Variants in LINGO2 observed in about 807,000 individuals in gnomAD.
LINGO2 encodes the protein leucine-rich repeat and immunoglobulin-like domain-containing nogo receptor-interacting protein 2.
LINGO2 carries 14 observed loss-of-function variants against 30.6 expected under a neutral mutation model. That is an observed-to-expected ratio of 0.46 (90% CI 0.30 to 0.72). The LOEUF is 0.72. Ranked by LOEUF, LINGO2 falls within the 30% of genes least tolerant of loss-of-function variation. The probability of loss-of-function intolerance (pLI) is 0.07; values close to 1 mark genes in which losing one functional copy is unlikely to be tolerated. For missense variants in LINGO2, 729 were observed against 751.7 expected (o/e 0.97, Z 0.35); for synonymous variants, 317 against 288.5 (o/e 1.10, Z -1.00).
At chr9:28,848,161 T>C in the LINGO2 span, among the ~76,000 whole-genome samples, 1 of 89,218 alleles carries the variant, frequency 1.1e-5, no homozygotes, top group Admixed American at 1.2e-4. Flanking sequence ...TATACGCATA[T>C]ATAGTGTGTA....
intron 4 of LINGO2, among the ~76,000 whole-genome samples, chr9:28,056,493 T>G (rs1003884283): frequency 1.3e-5 from 2 of 151,912 alleles, no homozygotes; most frequent in African/African-American, 2.4e-5. Flanking sequence ...ATCATGTGGT[T>G]CTTCTCATCT....
chr9:28,315,768 C>T (rs1049410082), intron 3 of LINGO2, among the ~76,000 whole-genome samples: 1 of 152,114 alleles, frequency 6.6e-6, no homozygotes, highest in Non-Finnish European at 1.5e-5. Context: ...CATTTATATA[C>T]TCAAATTTTA....
intron 4 of LINGO2, among the ~76,000 whole-genome samples, chr9:28,110,591 C>A (rs1372274044): frequency 1.3e-5 from 2 of 152,042 alleles, no homozygotes; most frequent in Admixed American, 6.6e-5. Context: ...TATGCATGGA[C>A]CCTTCTCAAA....
At chr9:29,182,055 A>C in the LINGO2 span, among the ~76,000 whole-genome samples, 1 of 152,178 alleles carries the variant, frequency 6.6e-6, no homozygotes, top group African/African-American at 2.4e-5. Context: ...CACCTATGAA[A>C]ATTGTTATAC....
the LINGO2 span, among the ~76,000 whole-genome samples, chr9:28,680,769 T>C: frequency 1.3e-5 from 2 of 152,112 alleles, no homozygotes; most frequent in African/African-American, 4.8e-5. Context: ...ATATGCCTTA[T>C]TTTGAGAAAT....
intron 3 of LINGO2, among the ~76,000 whole-genome samples, chr9:28,311,849 T>G (rs1381483265): frequency 1.3e-5 from 2 of 152,184 alleles, no homozygotes; most frequent in Non-Finnish European, 2.9e-5. Flanking sequence ...AAGACAGGCA[T>G]AGGAAATCAC....
intron 1 of LINGO2, among the ~76,000 whole-genome samples, chr9:28,520,306 T>C (rs1820780059): frequency 6.6e-6 from 1 of 152,130 alleles, no homozygotes; most frequent in East Asian, 1.9e-4. Context: ...TTTAAGTAGG[T>C]GACATCAATA....
chr9:28,907,643 G>A, the LINGO2 span, among the ~76,000 whole-genome samples: 1,384 of 151,716 alleles, frequency 9.1e-3, 30 homozygotes, highest in African/African-American at 0.032. Flanking sequence ...GAGGAAGAGA[G>A]GTCATTTAAG....
At chr9:28,103,748 T>C (rs1049700772) in intron 4 of LINGO2, among the ~76,000 whole-genome samples, 2 of 152,188 alleles carry the variant, frequency 1.3e-5, no homozygotes, top group African/African-American at 4.8e-5. Flanking sequence ...TTGTGAAAAA[T>C]AATCAATACA....
chr9:28,832,927 C>T, the LINGO2 span, among the ~76,000 whole-genome samples: 1 of 151,920 alleles, frequency 6.6e-6, no homozygotes, highest in East Asian at 1.9e-4. Context: ...ATTTACAGGG[C>T]TGTCTAGTCC....
chr9:28,388,878 TTTTCTCTC>T (rs1402282110), intron 2 of LINGO2, among the ~76,000 whole-genome samples: 57 of 150,972 alleles, frequency 3.8e-4, no homozygotes, highest in East Asian at 6.0e-4. Context: ...GACTTGAGGG[TTTTCTCTC>T]TTTCTCTCTT....
At chr9:28,334,397 A>G (rs1433598070) in intron 3 of LINGO2, among the ~76,000 whole-genome samples, 1 of 152,148 alleles carries the variant, frequency 6.6e-6, no homozygotes, top group African/African-American at 2.4e-5. Context: ...AAGCCTAGTT[A>G]ATGAATTCCA....
chr9:28,555,867 C>T (rs1384879323), intron 1 of LINGO2, among the ~76,000 whole-genome samples: 4 of 151,996 alleles, frequency 2.6e-5, no homozygotes, highest in Non-Finnish European at 5.9e-5. Context: ...AAATGTAATC[C>T]AGCATATAAA....
the LINGO2 span, among the ~76,000 whole-genome samples, chr9:28,884,136 G>A: frequency 2.0e-5 from 3 of 151,810 alleles, no homozygotes; most frequent in African/African-American, 4.8e-5. Flanking sequence ...ACGAAAATTA[G>A]TTGAACAAAG....
the LINGO2 span, among the ~76,000 whole-genome samples, chr9:28,970,527 A>AC: frequency 6.6e-6 from 1 of 151,474 alleles, no homozygotes; most frequent in African/African-American, 2.4e-5. Flanking sequence ...CCCCTCCCCC[A>AC]CCCCCCAGCA....
At chr9:29,118,388 A>AT in the LINGO2 span, among the ~76,000 whole-genome samples, 1 of 152,290 alleles carries the variant, frequency 6.6e-6, no homozygotes, top group Non-Finnish European at 1.5e-5. Context: ...GCAAATGGAT[A>AT]TTTTCTGAAT....
the LINGO2 span, among the ~76,000 whole-genome samples, chr9:28,968,009 T>C: frequency 1.3e-5 from 2 of 152,188 alleles, no homozygotes; most frequent in African/African-American, 4.8e-5. Flanking sequence ...GCACACCAAA[T>C]TGAACATTGG....
chr9:28,774,038 T>C, the LINGO2 span, among the ~76,000 whole-genome samples: 24 of 107,222 alleles, frequency 2.2e-4, no homozygotes, highest in Admixed American at 4.8e-4. Context: ...ATTTTCTTTT[T>C]GATACACACA....
At chr9:28,373,043 C>T (rs1304428100) in intron 2 of LINGO2, among the ~76,000 whole-genome samples, 175 bp from the exon 5 acceptor site, 1 of 151,362 alleles carries the variant, frequency 6.6e-6, no homozygotes, top group African/African-American at 2.4e-5. Flanking sequence ...CTCTTTTTCT[C>T]CTATATTGTT....
Sources: allele counts gnomAD v4.1 joint callset (sites outside exome capture counted in the v4.1 genomes callset), GRCh38; gene constraint gnomAD v4.1.1; transcripts MANE v1.5; gene names NCBI Gene and HGNC (gene_info 2026-07-23, HGNC 2026-07-21).